The following CFAP57 variants were observed in gnomAD, a reference collection of about 807,000 sequenced individuals.
CFAP57 encodes cilia- and flagella-associated protein 57.
CFAP57 carries 116 observed loss-of-function variants against 146.8 expected under a neutral mutation model. That is an observed-to-expected ratio of 0.79 (90% CI 0.68 to 0.92). The LOEUF is 0.92. Ranked by LOEUF, CFAP57 falls within the 40% of genes least tolerant of loss-of-function variation. The pLI is 0.00. For missense variants in CFAP57, 1,377 were observed against 1,527.2 expected, an observed-to-expected ratio of 0.90 and a Z score of 1.64; for synonymous variants, 518 against 552.8, an observed-to-expected ratio of 0.94 and a Z score of 0.88.
At position 43,172,626 on chromosome 1, in the gene CFAP57, G is replaced by A. The variant is rs1424554329; in HGVS notation, c.-19-109G>A. 7.0e-6 allele frequency: 7 copies of A among 999,544 alleles called. No homozygotes were observed. In the East Asian group the frequency reaches 1.9e-4, roughly 27 times the overall value. 61.9% of individuals were successfully genotyped at this position (999,544 alleles called of 1,614,324 possible). On this transcript the variant is annotated intron_variant, in intron 1 of 22. Coordinates refer to ENST00000372492, the MANE Select transcript of CFAP57 (RefSeq NM_001378189.1). ...GGGAGGGACAAGGGGAGGAGAAAGGGGAGAGACAAGGGGAGGAGCAAAGGG... is the reference window on the plus strand; with the variant it reads ...GGGAGGGACAAGGGGAGGAGAAAGGAGAGAGACAAGGGGAGGAGCAAAGGG...
chr1:43,185,189 T>C lies in CFAP57; in HGVS notation c.802T>C (p.Tyr268His). Residue 268 changes from tyrosine to histidine, a missense_variant, in exon 5 of 23, where the codon TAT becomes CAT. Coordinates refer to ENST00000372492, the MANE Select transcript of CFAP57 (RefSeq NM_001378189.1). ...ACCAGTCAGTTCTCCACTCCCTTCCTATGAACAGATGGTGGCGGCCAGTAG... is the reference window on the plus strand; with the variant it reads ...ACCAGTCAGTTCTCCACTCCCTTCCCATGAACAGATGGTGGCGGCCAGTAG... ...FPPVSSPLPS[Y>H]EQMVAASSHS... The C allele has an allele frequency of 6.2e-7, 1 of 1,614,214 alleles. No individual in the cohort carries two copies. The highest frequency in any genetic ancestry group is 8.5e-7 in the Non-Finnish European group (1 of 1,180,038).
At chr1:43,230,186 C>G (rs1645410639) in intron 18 of CFAP57, among the ~76,000 whole-genome samples, 1 of 152,224 alleles carries the variant, frequency 6.6e-6, no homozygotes, top group Non-Finnish European at 1.5e-5. Context: ...CTAACCTCAT[C>G]TGTCACTGCT....
At position 43,227,223 on chromosome 1, in the gene CFAP57, C is replaced by T. The variant is rs181749007; in HGVS notation, c.3009+97C>T. 1.1e-3 allele frequency: 1,510 copies of T among 1,344,662 alleles called. 1 individual carries two copies. Among genetic ancestry groups the T allele is most frequent in the South Asian group, 2.9e-3 (155 of 52,572 alleles). 83.3% of individuals were successfully genotyped at this position (1,344,662 alleles called of 1,614,324 possible). On this transcript the variant is annotated intron_variant, in intron 18 of 22. Coordinates refer to ENST00000372492, the MANE Select transcript of CFAP57 (RefSeq NM_001378189.1). ...TCAGGGACTGAGGAGAAGCTCTTCT[C>T]ACAGTCCTCTCTGCTCCCAAGGTGT...
chr1:43,181,274 G>A (rs1222691169), intron 2 of CFAP57, among the ~76,000 whole-genome samples: 1 of 152,140 alleles, frequency 6.6e-6, no homozygotes, highest in Non-Finnish European at 1.5e-5. Context: ...GTTTCACCAT[G>A]TTGGCCAGGC....
At chr1:43,181,468 G>A (rs1569840829) in intron 2 of CFAP57, 66 bp from the exon 3 acceptor site, 2 of 1,588,754 alleles carry the variant, frequency 1.3e-6, no homozygotes, top group East Asian at 4.5e-5. Context: ...CACAGTGCCT[G>A]GTTCCTGTTG....
chr1:43,221,977 G>C (rs1645063839), intron 14 of CFAP57, 128 bp from the exon 15 acceptor site: 6 of 755,926 alleles, frequency 7.9e-6, no homozygotes, highest in Admixed American at 3.7e-5. Context: ...GCAGGCATTT[G>C]AATCTTGGCT....
chr1:43,251,653 G>A (rs1305336644), intron 22 of CFAP57, among the ~76,000 whole-genome samples: 2 of 152,192 alleles, frequency 1.3e-5, no homozygotes, highest in East Asian at 1.9e-4. Context: ...ACAAATTATT[G>A]TATGGAAAAG....
At chr1:43,252,904 T>C (rs1180098031) in intron 22 of CFAP57, among the ~76,000 whole-genome samples, 3 of 152,184 alleles carry the variant, frequency 2.0e-5, no homozygotes, top group African/African-American at 4.8e-5. Flanking sequence ...ATTGCCCAGA[T>C]TGCAGCCCAG....
chr1:43,219,371 T>C lies in CFAP57; in HGVS notation c.2092-11T>C. On this transcript the variant is annotated splice_polypyrimidine_tract_variant and intron_variant, in intron 12 of 22. Transcript: ENST00000372492. ...GTCAGTGTTCTTGATCCTTCTGTCC[T>C]TCTCCCAAAGGCTCAGGTTATGTTG... 6.5e-7 allele frequency: 1 copy of C among 1,547,208 alleles called. No individual in the cohort carries two copies. Among genetic ancestry groups the C allele is most frequent in the Non-Finnish European group, 8.7e-7 (1 of 1,144,830 alleles).
intron 22 of CFAP57, among the ~76,000 whole-genome samples, chr1:43,248,083 G>A (rs1233422264): frequency 2.1e-5 from 3 of 140,622 alleles, no homozygotes; most frequent in Non-Finnish European, 3.0e-5. Flanking sequence ...AGCTTGCAGT[G>A]AGCCAAGATT....
intron 4 of CFAP57, among the ~76,000 whole-genome samples, chr1:43,184,415 A>G (rs764223311): frequency 2.0e-5 from 3 of 152,240 alleles, no homozygotes; most frequent in African/African-American, 4.8e-5. Context: ...AGTAAAAATC[A>G]TATCTCCTGT....
intron 3 of CFAP57, 130 bp downstream of exon 3, chr1:43,181,980 A>G (rs984062412): frequency 2.8e-6 from 3 of 1,060,960 alleles, no homozygotes; most frequent in Admixed American, 2.0e-5. Context: ...ACAACCGTAT[A>G]AGGTATGCAC....
intron 2 of CFAP57, among the ~76,000 whole-genome samples, chr1:43,180,240 A>ATATATATATATATATATATAT (rs1557726343): frequency 3.3e-5 from 4 of 121,558 alleles, no homozygotes; most frequent in Admixed American, 2.0e-4. Flanking sequence ...TATATATATA[A>ATATATATATATATATATATAT]AATATATATA....
chr1:43,194,019 T>C lies in CFAP57; in HGVS notation c.1123-3534T>C, dbSNP rs1260530967. Among the ~76,000 whole-genome samples the C allele has an allele frequency of 3.3e-5, 5 of 152,242 alleles. No homozygotes were observed. In the East Asian group the frequency reaches 9.6e-4, roughly 29 times the overall value. ...AAATCAGCTAAAAGATGATGAAATA[T>C]ATATTTATATTGTCTTTTATAATTA... On this transcript the variant is annotated intron_variant, in intron 6 of 22. Coordinates refer to ENST00000372492, the MANE Select transcript of CFAP57 (RefSeq NM_001378189.1).
At chr1:43,190,265 CTTTTTTTTTT>C (rs71036614) in intron 6 of CFAP57, among the ~76,000 whole-genome samples, 1 of 71,418 alleles carries the variant, frequency 1.4e-5, no homozygotes, top group African/African-American at 5.5e-5. Flanking sequence ...CATCCAGTCT[CTTTTTTTTTT>C]TTTTTTTTTT....
intron 4 of CFAP57, 96 bp from the exon 5 acceptor site, chr1:43,185,053 G>A (rs1642945390): frequency 7.3e-7 from 1 of 1,367,666 alleles, no homozygotes; most frequent in Non-Finnish European, 1.0e-6. Flanking sequence ...GGTGGTTTCT[G>A]TCACACCCAG....
intron 14 of CFAP57, among the ~76,000 whole-genome samples, 157 bp from the exon 15 acceptor site, chr1:43,221,948 T>A (rs1176715216): frequency 6.6e-6 from 1 of 151,968 alleles, no homozygotes; most frequent in East Asian, 1.9e-4. Flanking sequence ...GGATGAGGGG[T>A]TGGCAGCAAG....
At chr1:43,197,407 A>G in intron 6 of CFAP57, 146 bp from the exon 7 acceptor site, 1 of 794,854 alleles carries the variant, frequency 1.3e-6, no homozygotes, top group Non-Finnish European at 2.0e-6. Context: ...GGCTCAGGAA[A>G]ATATGCATAA....
intron 6 of CFAP57, among the ~76,000 whole-genome samples, chr1:43,195,695 C>T (rs1557753773): frequency 6.6e-6 from 1 of 152,068 alleles, no homozygotes. Flanking sequence ...ATACATACTG[C>T]AACATAGATG....
Sources: allele counts gnomAD v4.1 joint callset (sites outside exome capture counted in the v4.1 genomes callset), GRCh38; gene constraint gnomAD v4.1.1; transcripts MANE v1.5; gene names NCBI Gene and HGNC (gene_info 2026-07-23, HGNC 2026-07-21).